PTPRT: variants seen among roughly 807,000 people sequenced by gnomAD.
PTPRT encodes the protein receptor-type tyrosine-protein phosphatase T.
PTPRT carries 56 observed loss-of-function variants against 176.8 expected under a neutral mutation model. The observed-to-expected ratio is 0.32, with a 90% CI of 0.26 to 0.40. The LOEUF (loss-of-function observed/expected upper bound fraction) is 0.40. PTPRT is among the 10% of genes least tolerant of loss of function. The pLI, the probability that PTPRT is intolerant of heterozygous loss-of-function variation, is 1.00. For synonymous variants in PTPRT, 783 were observed against 739.0 expected (o/e 1.06, Z -0.96); for missense variants, 1,540 against 1,908.2 (o/e 0.81, Z 3.60).
intron 15 of PTPRT, among the ~76,000 whole-genome samples, chr20:42,213,740 T>G (rs904398854): frequency 6.6e-6 from 1 of 152,054 alleles, no homozygotes; most frequent in African/African-American, 2.4e-5. Flanking sequence ...CACGGAGGAC[T>G]GGTGGGCACC....
intron 7 of PTPRT, among the ~76,000 whole-genome samples, chr20:42,558,425 G>C (rs2072897479): frequency 6.6e-6 from 1 of 152,086 alleles, no homozygotes; most frequent in African/African-American, 2.4e-5. Flanking sequence ...GTGCTGCAAT[G>C]AACATACACA....
At chr20:42,642,597 G>A (rs903964393) in intron 7 of PTPRT, among the ~76,000 whole-genome samples, 1 of 152,084 alleles carries the variant, frequency 6.6e-6, no homozygotes, top group East Asian at 1.9e-4. Flanking sequence ...AACAGCCTCC[G>A]GAGGTAGGAA....
At chr20:42,583,749 T>C (rs930071999) in intron 7 of PTPRT, among the ~76,000 whole-genome samples, 1 of 152,226 alleles carries the variant, frequency 6.6e-6, no homozygotes, top group East Asian at 1.9e-4. Context: ...TTCTATTATG[T>C]GAATGTAAAC....
intron 7 of PTPRT, 25 bp downstream of exon 7, chr20:42,677,841 A>T (rs551119323): frequency 1.3e-6 from 2 of 1,482,014 alleles, no homozygotes; most frequent in Non-Finnish European, 1.8e-6. Context: ...CTCATAATGG[A>T]GCCTGGGAAA....
chr20:42,433,575 G>A (rs748419719), intron 9 of PTPRT, among the ~76,000 whole-genome samples: 18 of 152,284 alleles, frequency 1.2e-4, no homozygotes, highest in Non-Finnish European at 2.1e-4. Flanking sequence ...TATTAGGGAG[G>A]AGTCAGGGCA....
intron 1 of PTPRT, among the ~76,000 whole-genome samples, chr20:43,136,535 A>G (rs920615097): frequency 1.3e-5 from 2 of 152,216 alleles, no homozygotes; most frequent in Non-Finnish European, 2.9e-5. Context: ...CTTAGACTCC[A>G]GTAACATGCT....
At chr20:43,019,525 A>C (rs1298492200) in intron 1 of PTPRT, among the ~76,000 whole-genome samples, 1 of 151,184 alleles carries the variant, frequency 6.6e-6, no homozygotes, top group African/African-American at 2.4e-5. Context: ...AGGCTGAGGC[A>C]GGAGATTCAC....
rs534573525 is a variant in PTPRT, at chr20:42,707,649, C to T, written c.860-29490G>A. ...CACCATCACAAGGATCAGAATTCAA[C>T]CAGCAACAAGGATGAGCCTAGAGCT... On this transcript the variant is annotated intron_variant, in intron 6 of 30. Transcript: ENST00000373187. Among the ~76,000 whole-genome samples the T allele has an allele frequency of 4.6e-5, 7 of 152,240 alleles. No homozygotes were observed. In the South Asian group the frequency reaches 1.2e-3, roughly 27 times the overall value.
At chr20:43,017,107 A>C (rs966640429) in intron 1 of PTPRT, among the ~76,000 whole-genome samples, 9 of 152,204 alleles carry the variant, frequency 5.9e-5, no homozygotes, top group Admixed American at 5.2e-4. Context: ...AGAATCAAAA[A>C]TACAAGGAAA....
chr20:42,456,295 T>C (rs1286438241), intron 8 of PTPRT, among the ~76,000 whole-genome samples: 1 of 152,046 alleles, frequency 6.6e-6, no homozygotes, highest in Non-Finnish European at 1.5e-5. Context: ...TGTTTGCAGA[T>C]TTCTTTGGGT....
chr20:42,703,641 C>A (rs1233871612), intron 6 of PTPRT, among the ~76,000 whole-genome samples: 4 of 152,122 alleles, frequency 2.6e-5, no homozygotes, highest in East Asian at 1.9e-4. Context: ...AGCTTAGAGA[C>A]CATCTAGCCT....
chr20:42,377,046 C>G (rs191420152), intron 9 of PTPRT, among the ~76,000 whole-genome samples: 1 of 152,138 alleles, frequency 6.6e-6, no homozygotes, highest in Non-Finnish European at 1.5e-5. Flanking sequence ...CTGTCAGATG[C>G]GTGTCTTTTG....
At chr20:42,622,882 C>A (rs1230876485) in intron 7 of PTPRT, among the ~76,000 whole-genome samples, 1 of 152,182 alleles carries the variant, frequency 6.6e-6, no homozygotes, top group South Asian at 2.1e-4. Context: ...AAACCCACAG[C>A]CCTCAGTGAG....
At chr20:42,127,164 T>C (rs1987897200) in intron 19 of PTPRT, among the ~76,000 whole-genome samples, 1 of 152,116 alleles carries the variant, frequency 6.6e-6, no homozygotes, top group Non-Finnish European at 1.5e-5. Flanking sequence ...CCCTTAGAAC[T>C]AGTGGGAGAA....
At chr20:43,156,141 G>C (rs993491303) in intron 1 of PTPRT, among the ~76,000 whole-genome samples, 1 of 152,192 alleles carries the variant, frequency 6.6e-6, no homozygotes, top group Non-Finnish European at 1.5e-5. Context: ...TTGTTTGGGG[G>C]CTTCTCTCTT....
chr20:42,693,609 G>A (rs2075824593), intron 6 of PTPRT, among the ~76,000 whole-genome samples: 1 of 152,080 alleles, frequency 6.6e-6, no homozygotes, highest in Non-Finnish European at 1.5e-5. Context: ...CACTGTGGTA[G>A]GAGAAGTGTA....
At chr20:42,253,187 A>C (rs906312529) in intron 13 of PTPRT, among the ~76,000 whole-genome samples, 2 of 152,218 alleles carry the variant, frequency 1.3e-5, no homozygotes, top group Non-Finnish European at 2.9e-5. Context: ...CACAGGGATT[A>C]CATCTTAAAT....
At chr20:42,519,868 G>A (rs1010137848) in intron 7 of PTPRT, among the ~76,000 whole-genome samples, 15 of 152,038 alleles carry the variant, frequency 9.9e-5, no homozygotes, top group Non-Finnish European at 1.9e-4. Flanking sequence ...ACTATGATGT[G>A]TCATTTGAAA....
chr20:42,559,231 A>G (rs1412965160), intron 7 of PTPRT, among the ~76,000 whole-genome samples: 1 of 152,184 alleles, frequency 6.6e-6, no homozygotes, highest in African/African-American at 2.4e-5. Flanking sequence ...TGATGTATAC[A>G]AGGATTCCAA....
Sources: gnomAD v4.1 joint callset for allele counts (sites outside exome capture counted in the v4.1 genomes callset) on GRCh38, gnomAD v4.1.1 for gene constraint, MANE v1.5 for transcripts, NCBI Gene and HGNC (gene_info 2026-07-23, HGNC 2026-07-21) for gene names.